The following GPM6A variants were observed in gnomAD, a reference collection of about 807,000 sequenced individuals.
GPM6A encodes neuronal membrane glycoprotein M6-a.
A neutral mutation model predicts 32.1 loss-of-function variants in GPM6A; 7 were observed. That is an observed-to-expected ratio of 0.22 (90% CI 0.12 to 0.41). The LOEUF (loss-of-function observed/expected upper bound fraction) is 0.41. Among genes scored for constraint, GPM6A ranks in the 10% least tolerant of loss-of-function variants. The pLI is 1.00. For synonymous variants in GPM6A, 130 were observed against 123.4 expected (o/e 1.05, Z -0.35); for missense variants, 235 against 347.2 (o/e 0.68, Z 2.57).
intron 2 of GPM6A, among the ~76,000 whole-genome samples, chr4:175,676,597 C>T (rs1051886497): frequency 2.0e-5 from 3 of 152,064 alleles, no homozygotes. Flanking sequence ...AATTTAAAAA[C>T]TAGACAGTCT....
chr4:175,903,726 AT>A (rs1241471112), intron 1 of GPM6A, among the ~76,000 whole-genome samples: 1 of 152,096 alleles, frequency 6.6e-6, no homozygotes, highest in Non-Finnish European at 1.5e-5. Context: ...GTGTCCTATA[AT>A]TTTTTTAAAT....
At chr4:175,953,735 A>C (rs1456095906) in intron 1 of GPM6A, among the ~76,000 whole-genome samples, 1 of 152,038 alleles carries the variant, frequency 6.6e-6, no homozygotes, top group Non-Finnish European at 1.5e-5. Flanking sequence ...CCCCGTCTCT[A>C]CTAAAAATAC....
At chr4:175,670,604 A>G (rs144670607) in intron 3 of GPM6A, among the ~76,000 whole-genome samples, 1 of 152,196 alleles carries the variant, frequency 6.6e-6, no homozygotes, top group African/African-American at 2.4e-5. Flanking sequence ...AAATACTTTA[A>G]TAACTTTTCA....
At chr4:175,733,105 C>T (rs1211107424) in intron 1 of GPM6A, among the ~76,000 whole-genome samples, 1 of 152,062 alleles carries the variant, frequency 6.6e-6, no homozygotes, top group African/African-American at 2.4e-5. Flanking sequence ...TGTCTTTTTA[C>T]TGTACAAAAT....
chr4:175,787,098 TTTG>T (rs371251386), intron 1 of GPM6A, among the ~76,000 whole-genome samples: 53 of 152,310 alleles, frequency 3.5e-4, no homozygotes, highest in African/African-American at 1.2e-3. Context: ...TGTTCTTTTT[TTTG>T]TTGTTGTTTT....
chr4:175,730,341 C>T (rs1049452646), intron 1 of GPM6A, among the ~76,000 whole-genome samples: 2 of 152,042 alleles, frequency 1.3e-5, no homozygotes, highest in African/African-American at 2.4e-5. Flanking sequence ...CTCCCGGGTT[C>T]AAGCAATTCG....
chr4:175,739,271 A>G (rs994706417), intron 1 of GPM6A, among the ~76,000 whole-genome samples: 2 of 152,164 alleles, frequency 1.3e-5, no homozygotes, highest in Non-Finnish European at 2.9e-5. Flanking sequence ...GTCATCTGGC[A>G]TGTGTATTTT....
intron 1 of GPM6A, among the ~76,000 whole-genome samples, chr4:175,802,071 A>G (rs1024329178): frequency 2.6e-5 from 4 of 152,088 alleles, no homozygotes; most frequent in African/African-American, 7.2e-5. Flanking sequence ...GAGATCAATC[A>G]TGGAAATACA....
intron 1 of GPM6A, among the ~76,000 whole-genome samples, chr4:175,849,514 A>G (rs768907489): frequency 4.6e-5 from 7 of 152,228 alleles, no homozygotes; most frequent in Non-Finnish European, 1.0e-4. Context: ...GGACATGTTA[A>G]GTCACAAAGA....
At chr4:175,800,863 T>G in intron 1 of GPM6A, 1 of 197,758 alleles carries the variant, frequency 5.1e-6, no homozygotes, top group Admixed American at 4.5e-5. Flanking sequence ...GCTCTGAGAC[T>G]CCATTGAGTC....
upstream of GPM6A, among the ~76,000 whole-genome samples, chr4:175,813,911 A>G (rs1242026168): frequency 6.6e-6 from 1 of 152,170 alleles, no homozygotes; most frequent in African/African-American, 2.4e-5. Flanking sequence ...CTCAAAACCT[A>G]TCTCTTTGGA....
intron 3 of GPM6A, among the ~76,000 whole-genome samples, chr4:175,652,809 T>C (rs1741883171): frequency 6.6e-6 from 1 of 152,088 alleles, no homozygotes; most frequent in Non-Finnish European, 1.5e-5. Context: ...ATGATAGACA[T>C]TAGACAGAAA....
chr4:175,777,214 C>T (rs1306983218), intron 1 of GPM6A, among the ~76,000 whole-genome samples: 1 of 152,086 alleles, frequency 6.6e-6, no homozygotes, highest in Non-Finnish European at 1.5e-5. Flanking sequence ...CAATAACTAG[C>T]TATAGGACCA....
chr4:175,814,600 A>T (rs1043412498), upstream of GPM6A, among the ~76,000 whole-genome samples: 1 of 152,204 alleles, frequency 6.6e-6, no homozygotes, highest in Admixed American at 6.5e-5. Flanking sequence ...TCATATAACC[A>T]TTCACTTTTT....
chr4:175,976,872 A>G (rs1223386913), intron 1 of GPM6A, among the ~76,000 whole-genome samples: 1 of 152,238 alleles, frequency 6.6e-6, no homozygotes, highest in Admixed American at 6.5e-5. Flanking sequence ...GCCTAGATTT[A>G]AGCATAAAAG....
intron 1 of GPM6A, among the ~76,000 whole-genome samples, chr4:175,825,988 T>G (rs970697841): frequency 6.6e-6 from 1 of 152,050 alleles, no homozygotes; most frequent in African/African-American, 2.4e-5. Context: ...AAGACCAGCC[T>G]GGACAACATA....
At chr4:175,931,319 C>A (rs868200363) in intron 1 of GPM6A, among the ~76,000 whole-genome samples, 7 of 152,096 alleles carry the variant, frequency 4.6e-5, no homozygotes, top group Non-Finnish European at 5.9e-5. Context: ...CTCACATTCC[C>A]AGATGCTCTC....
chr4:175,870,358 T>C (rs1383580023), intron 1 of GPM6A, among the ~76,000 whole-genome samples: 1 of 152,166 alleles, frequency 6.6e-6, no homozygotes, highest in Non-Finnish European at 1.5e-5. Context: ...CTAAGCCCTT[T>C]AATTCAGCAT....
intron 1 of GPM6A, among the ~76,000 whole-genome samples, chr4:175,830,227 T>A (rs1735567408): frequency 6.6e-6 from 1 of 152,204 alleles, no homozygotes; most frequent in South Asian, 2.1e-4. Flanking sequence ...CTAGCAGTGA[T>A]GAAAATCACT....
Sources: allele counts gnomAD v4.1 joint callset (sites outside exome capture counted in the v4.1 genomes callset), GRCh38; gene constraint gnomAD v4.1.1; transcripts MANE v1.5; gene names NCBI Gene and HGNC (gene_info 2026-07-23, HGNC 2026-07-21).